Variants in LDB2 observed in about 807,000 individuals in gnomAD.
LDB2 encodes the protein LIM domain-binding protein 2.
A neutral mutation model predicts 44.3 loss-of-function variants in LDB2; 12 were observed. The ratio of observed to expected loss-of-function variants is 0.27; its 90% confidence interval spans 0.17 to 0.44. LDB2 has a LOEUF of 0.44. Ranked by LOEUF, LDB2 falls within the 20% of genes least tolerant of loss-of-function variation. The pLI is 1.00. For synonymous variants in LDB2, 164 were observed against 174.8 expected (o/e 0.94, Z 0.49); for missense variants, 344 against 473.5 (o/e 0.73, Z 2.54).
chr4:16,725,136 C>G (rs1444184521), intron 2 of LDB2, among the ~76,000 whole-genome samples: 1 of 152,062 alleles, frequency 6.6e-6, no homozygotes, highest in East Asian at 1.9e-4. Context: ...TATATTAAAG[C>G]TAGCCCCACC....
chr4:16,888,641 T>A (rs1225142942), intron 1 of LDB2: 6 of 831,898 alleles, frequency 7.2e-6, no homozygotes, highest in Non-Finnish European at 8.7e-6. Flanking sequence ...AAAGATACTT[T>A]TAAGAAATGA....
At chr4:16,587,253 A>G (rs1717321377) in intron 4 of LDB2, among the ~76,000 whole-genome samples, 1 of 152,212 alleles carries the variant, frequency 6.6e-6, no homozygotes, top group Non-Finnish European at 1.5e-5. Flanking sequence ...TGTAGAGGAC[A>G]CACTATGTGC....
intron 1 of LDB2, among the ~76,000 whole-genome samples, chr4:16,815,854 A>G (rs545976297): frequency 6.6e-6 from 1 of 152,352 alleles, no homozygotes; most frequent in Admixed American, 6.5e-5. Flanking sequence ...CCATTGTATC[A>G]TCTTCACTGA....
At chr4:16,769,306 T>A (rs1770092073) in intron 1 of LDB2, among the ~76,000 whole-genome samples, 1 of 151,270 alleles carries the variant, frequency 6.6e-6, no homozygotes, top group African/African-American at 2.4e-5. Flanking sequence ...TTATTTTTAT[T>A]TTTTTTTGAG....
chr4:16,750,364 G>A (rs1765261602), intron 2 of LDB2, among the ~76,000 whole-genome samples: 1 of 152,190 alleles, frequency 6.6e-6, no homozygotes. Context: ...CTATGCATGT[G>A]CTCAACACCT....
At chr4:16,817,764 G>A (rs1249974803) in intron 1 of LDB2, among the ~76,000 whole-genome samples, 1 of 152,196 alleles carries the variant, frequency 6.6e-6, no homozygotes, top group Non-Finnish European at 1.5e-5. Flanking sequence ...AGATGAGGAA[G>A]CTGAGGTATA....
chr4:16,756,711 T>TA (rs1413887101), intron 2 of LDB2, among the ~76,000 whole-genome samples: 4 of 152,094 alleles, frequency 2.6e-5, no homozygotes, highest in Non-Finnish European at 5.9e-5. Flanking sequence ...ACTCAGCAAT[T>TA]AACAAAACAG....
At chr4:16,622,050 G>T (rs1490194426) in intron 2 of LDB2, among the ~76,000 whole-genome samples, 2 of 152,230 alleles carry the variant, frequency 1.3e-5, no homozygotes, top group Non-Finnish European at 1.5e-5. Flanking sequence ...GCAGATGTCT[G>T]CTAAGTAGGT....
Position 16,563,650 on chromosome 4 carries a change from G to A in LDB2, c.615+22272C>T, listed in dbSNP as rs185689107. ...TTTTTTTGTATTTTTAGTAGAGACC[G>A]GGTTTCACCATGTTAGCCGGGATGG... On this transcript the variant is annotated intron_variant, in intron 5 of 7. Transcript: ENST00000304523. Among the ~76,000 whole-genome samples, 449 of 149,172 alleles carry A rather than the reference G, an allele frequency of 3.0e-3. 6 individuals carry two copies. The highest frequency in any genetic ancestry group is 9.2e-3 in the East Asian group (47 of 5,100).
At chr4:16,726,576 C>T (rs1759517302) in intron 2 of LDB2, 1 of 152,174 alleles carries the variant, frequency 6.6e-6, no homozygotes, top group Non-Finnish European at 1.5e-5. Flanking sequence ...GCCAACTACA[C>T]AACAGCCAGA....
chr4:16,545,446 T>C (rs1735429706), intron 5 of LDB2, among the ~76,000 whole-genome samples: 1 of 152,208 alleles, frequency 6.6e-6, no homozygotes, highest in Admixed American at 6.5e-5. Flanking sequence ...TCCTTCTAAC[T>C]TTTACCCGTG....
chr4:16,772,354 T>C (rs560778318), intron 1 of LDB2, among the ~76,000 whole-genome samples: 31 of 152,296 alleles, frequency 2.0e-4, no homozygotes, highest in Middle Eastern at 3.4e-3. Flanking sequence ...TAATAGGTGG[T>C]TAAAAATGAC....
chr4:16,658,285 A>G (rs1740488329), intron 2 of LDB2, among the ~76,000 whole-genome samples: 1 of 152,232 alleles, frequency 6.6e-6, no homozygotes. Context: ...ATCATCGCTT[A>G]CAATAAGCCC....
At chr4:16,536,104 C>T (rs1731747259) in intron 5 of LDB2, among the ~76,000 whole-genome samples, 1 of 152,168 alleles carries the variant, frequency 6.6e-6, no homozygotes, top group Admixed American at 6.5e-5. Context: ...AAGGGGAATG[C>T]ATTTGCCCCT....
At chr4:16,897,002 G>A (rs2110570188) in intron 1 of LDB2, among the ~76,000 whole-genome samples, 1 of 152,274 alleles carries the variant, frequency 6.6e-6, no homozygotes, top group South Asian at 2.1e-4. Flanking sequence ...TAGCGTCTAT[G>A]GTGTATTAAC....
chr4:16,545,193 TTCCCTCCCTTCCTTCTGTTTTTTCCCCCC>T (rs975495360), intron 5 of LDB2, among the ~76,000 whole-genome samples: 13 of 149,812 alleles, frequency 8.7e-5, no homozygotes, highest in Non-Finnish European at 1.3e-4. Flanking sequence ...CCCTCTTTTC[TTCCCTCCCTTCCTTCTGTTTTTTCCCCCC>T]TCCCTCCCTT....
chr4:16,559,806 A>C (rs1450543174), intron 5 of LDB2, among the ~76,000 whole-genome samples: 1 of 152,196 alleles, frequency 6.6e-6, no homozygotes, highest in Non-Finnish European at 1.5e-5. Flanking sequence ...AATTGACCAC[A>C]TAGTTGGAAG....
At chr4:16,529,591 TG>T (rs759698053) in intron 5 of LDB2, among the ~76,000 whole-genome samples, 3 of 152,170 alleles carry the variant, frequency 2.0e-5, no homozygotes, top group Admixed American at 6.5e-5. Flanking sequence ...GATTGAAGCT[TG>T]TTTTTATTTT....
intron 2 of LDB2, among the ~76,000 whole-genome samples, chr4:16,679,305 G>GAGGGAGGA (rs1747190022): frequency 2.6e-5 from 4 of 152,094 alleles, no homozygotes; most frequent in South Asian, 2.1e-4. Context: ...AGGAGGAGGA[G>GAGGGAGGA]AGGGAGGAAG....
Sources: gnomAD v4.1 joint callset for allele counts (sites outside exome capture counted in the v4.1 genomes callset) on GRCh38, gnomAD v4.1.1 for gene constraint, MANE v1.5 for transcripts, NCBI Gene and HGNC (gene_info 2026-07-23, HGNC 2026-07-21) for gene names.